Variants in PCSK2 observed in about 807,000 individuals in gnomAD.
The protein encoded by PCSK2 is neuroendocrine convertase 2.
PCSK2 carries 14 observed loss-of-function variants against 69.7 expected under a neutral mutation model. The ratio of observed to expected loss-of-function variants is 0.20; its 90% CI spans 0.13 to 0.31. The LOEUF (loss-of-function observed/expected upper bound fraction) is 0.31, where lower values mean the gene tolerates loss of function less well. Ranked by LOEUF, PCSK2 falls within the 10% of genes least tolerant of loss-of-function variation. PCSK2 has a pLI of 1.00. For synonymous variants in PCSK2, 307 were observed against 320.7 expected (o/e 0.96, Z 0.46); for missense variants, 544 against 842.5 (o/e 0.65, Z 4.39).
chr20:17,272,628 GT>G (rs1662330585), intron 2 of PCSK2, among the ~76,000 whole-genome samples: 2 of 152,004 alleles, frequency 1.3e-5, no homozygotes, highest in Non-Finnish European at 1.5e-5. Context: ...TAAGAAAAAA[GT>G]TAAATAGTAC....
intron 6 of PCSK2, among the ~76,000 whole-genome samples, chr20:17,425,518 C>T (rs1183457654): frequency 6.6e-6 from 1 of 152,128 alleles, no homozygotes; most frequent in Non-Finnish European, 1.5e-5. Context: ...AGAATTTATC[C>T]TTCCAAAACA....
intron 5 of PCSK2, among the ~76,000 whole-genome samples, chr20:17,403,490 A>G (rs866552109): frequency 3.9e-5 from 6 of 152,204 alleles, no homozygotes; most frequent in Admixed American, 1.3e-4. Flanking sequence ...GGACTGGGCT[A>G]TTTTGCTTCT....
chr20:17,441,145 T>C (rs564004095), intron 8 of PCSK2, among the ~76,000 whole-genome samples: 18 of 152,294 alleles, frequency 1.2e-4, no homozygotes, highest in South Asian at 4.1e-4. Context: ...CACCACCCCA[T>C]TGGCACCCTT....
intron 2 of PCSK2, among the ~76,000 whole-genome samples, chr20:17,326,560 T>C (rs1035272053): frequency 6.6e-6 from 1 of 152,102 alleles, no homozygotes; most frequent in Non-Finnish European, 1.5e-5. Flanking sequence ...ACAGGGGAAA[T>C]TGGGTAAGGA....
At chr20:17,350,984 A>T (rs749146110) in intron 2 of PCSK2, among the ~76,000 whole-genome samples, 7 of 151,224 alleles carry the variant, frequency 4.6e-5, no homozygotes, top group Admixed American at 1.3e-4. Flanking sequence ...AGGTTGCAGT[A>T]AGCCAAGATG....
chr20:17,229,405 C>T (rs1405550761), intron 1 of PCSK2, among the ~76,000 whole-genome samples: 7 of 148,396 alleles, frequency 4.7e-5, no homozygotes, highest in Non-Finnish European at 7.5e-5. Context: ...CCTGTGGCTC[C>T]CTCCCCCTCC....
intron 1 of PCSK2, among the ~76,000 whole-genome samples, chr20:17,241,859 T>C (rs967568962): frequency 6.6e-6 from 1 of 152,244 alleles, no homozygotes; most frequent in Non-Finnish European, 1.5e-5. Flanking sequence ...GCTCACCTAA[T>C]AGGCACATTA....
At chr20:17,257,441 A>G (rs1722258175) in intron 1 of PCSK2, among the ~76,000 whole-genome samples, 2 of 152,236 alleles carry the variant, frequency 1.3e-5, no homozygotes, top group South Asian at 4.1e-4. Flanking sequence ...CCAAAGGATT[A>G]TAAATCATTC....
intron 2 of PCSK2, among the ~76,000 whole-genome samples, chr20:17,343,505 G>GCT (rs1373173345): frequency 3.3e-5 from 5 of 152,184 alleles, no homozygotes; most frequent in African/African-American, 1.2e-4. Flanking sequence ...ATGAATATTA[G>GCT]CTCTCTCTCT....
At chr20:17,342,982 G>A (rs1210731212) in intron 2 of PCSK2, among the ~76,000 whole-genome samples, 5 of 152,032 alleles carry the variant, frequency 3.3e-5, no homozygotes, top group Admixed American at 2.0e-4. Context: ...ACAACACAGC[G>A]AGGTTCCTGC....
At chr20:17,277,881 C>T (rs1048927951) in intron 2 of PCSK2, among the ~76,000 whole-genome samples, 1 of 151,848 alleles carries the variant, frequency 6.6e-6, no homozygotes, top group Non-Finnish European at 1.5e-5. Flanking sequence ...AAGAAAAAAA[C>T]AAACAACCCC....
intron 8 of PCSK2, among the ~76,000 whole-genome samples, chr20:17,452,176 G>A (rs867588492): frequency 4.6e-5 from 7 of 151,844 alleles, no homozygotes; most frequent in African/African-American, 1.2e-4. Flanking sequence ...CACCGCGCCC[G>A]GCCACACTTT....
chr20:17,250,937 T>C (rs984127195), intron 1 of PCSK2, among the ~76,000 whole-genome samples: 5 of 151,944 alleles, frequency 3.3e-5, no homozygotes, highest in African/African-American at 4.8e-5. Flanking sequence ...TGATCTCTAC[T>C]AAAAATACAA....
intron 2 of PCSK2, among the ~76,000 whole-genome samples, chr20:17,299,887 C>T (rs1196773243): frequency 6.6e-6 from 1 of 152,096 alleles, no homozygotes; most frequent in East Asian, 1.9e-4. Context: ...TTCCCCTATC[C>T]CTTGCTATAT....
At chr20:17,350,892 T>C (rs1302258291) in intron 2 of PCSK2, among the ~76,000 whole-genome samples, 1 of 151,864 alleles carries the variant, frequency 6.6e-6, no homozygotes, top group African/African-American at 2.4e-5. Context: ...AAACAAAAAT[T>C]AGCCAGGCAT....
intron 2 of PCSK2, among the ~76,000 whole-genome samples, chr20:17,345,137 G>A (rs1220341760): frequency 1.3e-5 from 2 of 152,148 alleles, no homozygotes; most frequent in East Asian, 1.9e-4. Flanking sequence ...AACCCTTCAT[G>A]GCAGGAGTGT....
chr20:17,430,142 T>C (rs1353048749), intron 7 of PCSK2, among the ~76,000 whole-genome samples: 5 of 152,182 alleles, frequency 3.3e-5, no homozygotes, highest in Admixed American at 3.3e-4. Context: ...AAGAATTTCC[T>C]ATTGATGGAG....
intron 5 of PCSK2, among the ~76,000 whole-genome samples, chr20:17,369,627 C>T (rs148327202): frequency 2.8e-4 from 42 of 152,260 alleles, no homozygotes; most frequent in African/African-American, 9.9e-4. Flanking sequence ...AGGCATGTGG[C>T]CTGGCAGCAG....
intron 10 of PCSK2, among the ~76,000 whole-genome samples, chr20:17,461,713 G>T (rs908271871): frequency 1.3e-5 from 2 of 152,210 alleles, no homozygotes; most frequent in African/African-American, 2.4e-5. Context: ...AGGGGAACTT[G>T]ATGCTGTAAA....
Sources: gnomAD v4.1 joint callset for allele counts (sites outside exome capture counted in the v4.1 genomes callset) on GRCh38, gnomAD v4.1.1 for gene constraint, MANE v1.5 for transcripts, NCBI Gene and HGNC (gene_info 2026-07-23, HGNC 2026-07-21) for gene names.